MTMR2: variants seen among roughly 807,000 people sequenced by gnomAD.
MTMR2 encodes the protein phosphatidylinositol-3,5-bisphosphate 3-phosphatase MTMR2.
A neutral mutation model predicts 86.9 loss-of-function variants in MTMR2; 55 were observed. The observed-to-expected ratio is 0.63, with a 90% CI of 0.51 to 0.79. MTMR2 has a LOEUF of 0.79. Ranked by LOEUF, MTMR2 falls within the 30% of genes least tolerant of loss-of-function variation. MTMR2 has a pLI of 0.00. For missense variants in MTMR2, 659 were observed against 772.3 expected (o/e 0.85, Z 1.74); for synonymous variants, 241 against 266.8 (o/e 0.90, Z 0.94).
intron 1 of MTMR2, among the ~76,000 whole-genome samples, chr11:95,918,988 C>T (rs1391394335): frequency 6.6e-6 from 1 of 152,186 alleles, no homozygotes; most frequent in Non-Finnish European, 1.5e-5. Flanking sequence ...CAGGCATGCA[C>T]TACCATGCCC....
At chr11:95,904,497 AGGTC>A (rs1211207166) in intron 1 of MTMR2, among the ~76,000 whole-genome samples, 2 of 152,182 alleles carry the variant, frequency 1.3e-5, no homozygotes, top group Non-Finnish European at 2.9e-5. Context: ...ATGAGATAAG[AGGTC>A]GGCACAAGAC....
intron 13 of MTMR2, among the ~76,000 whole-genome samples, chr11:95,837,758 A>C (rs1356898975): frequency 1.3e-5 from 2 of 151,984 alleles, no homozygotes; most frequent in Non-Finnish European, 2.9e-5. Flanking sequence ...TGCTAATTAA[A>C]TTTTTCTGCA....
intron 1 of MTMR2, among the ~76,000 whole-genome samples, chr11:95,911,362 A>G (rs1055810762): frequency 2.0e-5 from 3 of 152,166 alleles, no homozygotes; most frequent in Non-Finnish European, 4.4e-5. Context: ...AATAATTTAC[A>G]TATGTCTGTT....
At position 95,923,933 on chromosome 11, in the gene MTMR2, C is replaced by G. The variant is rs756912172; in HGVS notation, c.22G>C (p.Glu8Gln). 4 of 1,561,292 alleles carry G rather than the reference C, an allele frequency of 2.6e-6. No homozygotes were observed. Among genetic ancestry groups the G allele is most frequent in the African/African-American group, 2.7e-5 (2 of 73,770 alleles). The part of the protein sequence containing the change: MEKSSSC[E>Q]SLGSQPAAAR... ...GCCGCCGGCTGGGAGCCAAGACTCTCGCAGCTCGAGCTCTTCTCCATCGCG... is the reference window on the plus strand; with the variant it reads ...GCCGCCGGCTGGGAGCCAAGACTCTGGCAGCTCGAGCTCTTCTCCATCGCG... The change falls in exon 1 of 15, where the codon GAG (glutamate) becomes CAG (glutamine). Residue 8 changes from glutamate (E) to glutamine (Q), a missense_variant. Physicochemically the swap from Glu to Gln is conservative, Grantham distance 29. Transcript: ENST00000346299.
intron 1 of MTMR2, among the ~76,000 whole-genome samples, chr11:95,898,871 G>C (rs998326344): frequency 1.3e-5 from 2 of 152,036 alleles, no homozygotes; most frequent in African/African-American, 4.8e-5. Flanking sequence ...CTAAGCAAAG[G>C]AACAGCATGA....
chr11:95,923,892 G>T lies in MTMR2; in HGVS notation c.63C>A (p.Ser21Arg). 6.4e-7 allele frequency: 1 copy of T among 1,556,420 alleles called. No homozygotes were observed. Among genetic ancestry groups the T allele is most frequent in the South Asian group, 1.2e-5 (1 of 84,544 alleles). ...GSQPAAARPP[S>R]VDSLSSASTS... Reference sequence around the variant, plus strand: ...CTGGTTACCTGGACAAGGAGTCCACGCTGGGCGGCCGAGCCGCCGCCGGCT... The same window carrying T: ...CTGGTTACCTGGACAAGGAGTCCACTCTGGGCGGCCGAGCCGCCGCCGGCT... Residue 21 changes from serine to arginine, a missense_variant, in exon 1 of 15, where the codon AGC becomes AGA. Transcript: ENST00000346299.
At chr11:95,889,079 C>G (rs1415639021) in intron 1 of MTMR2, among the ~76,000 whole-genome samples, 1 of 152,124 alleles carries the variant, frequency 6.6e-6, no homozygotes, top group South Asian at 2.1e-4. Context: ...TCTACTTCTT[C>G]CATTATAAGT....
At chr11:95,869,795 G>C (rs544491108) in intron 2 of MTMR2, among the ~76,000 whole-genome samples, 1 of 152,108 alleles carries the variant, frequency 6.6e-6, no homozygotes, top group Admixed American at 6.6e-5. Flanking sequence ...GATGCCTTCA[G>C]CAAGACAGTC....
chr11:95,879,299 A>G (rs1865238291), intron 2 of MTMR2, among the ~76,000 whole-genome samples: 1 of 152,118 alleles, frequency 6.6e-6, no homozygotes, highest in South Asian at 2.1e-4. Context: ...TAAGAGAAGG[A>G]ACAGCAAAGT....
chr11:95,902,169 TCA>T (rs1367794538), intron 1 of MTMR2, among the ~76,000 whole-genome samples: 3 of 152,310 alleles, frequency 2.0e-5, no homozygotes, highest in African/African-American at 7.2e-5. Context: ...TCTCTGAATC[TCA>T]GTTTCTTTCT....
intron 5 of MTMR2, among the ~76,000 whole-genome samples, chr11:95,860,778 C>A (rs554907757): frequency 6.6e-6 from 1 of 152,138 alleles, no homozygotes; most frequent in Non-Finnish European, 1.5e-5. Context: ...ATGTTTCATT[C>A]AAGTATCAAC....
intron 1 of MTMR2, among the ~76,000 whole-genome samples, chr11:95,913,597 A>G (rs973725229): frequency 6.6e-6 from 1 of 152,154 alleles, no homozygotes; most frequent in African/African-American, 2.4e-5. Context: ...GCCACAGTTG[A>G]AAAACACTAA....
chr11:95,853,038 A>ATG (rs778559524), intron 7 of MTMR2, among the ~76,000 whole-genome samples: 18 of 149,218 alleles, frequency 1.2e-4, no homozygotes, highest in Admixed American at 6.0e-4. Flanking sequence ...CTAAAAATTT[A>ATG]TATATAATAT....
chr11:95,836,249 C>T lies in MTMR2; in HGVS notation c.1669G>A (p.Gly557Arg), dbSNP rs753377983. The change falls in exon 14 of 15, where the codon GGG becomes AGG. Residue 557 changes from glycine (G) to arginine (R), a missense_variant. By Grantham distance (125) the Gly-to-Arg change is moderately radical. This residue lies in a region of MTMR2 where 193 missense variants were observed against 191.6 expected (regional missense o/e 1.01). Transcript: ENST00000346299. ...TAAAGGACATGATTGGAATAGCTCCCATAGAGAGGATTAGTGAAGTCTTCC... is the reference window on the plus strand; with the variant it reads ...TAAAGGACATGATTGGAATAGCTCCTATAGAGAGGATTAGTGAAGTCTTCC... ...QLEDFTNPLY[G>R]SYSNHVLYPV... 1.2e-6 allele frequency: 2 copies of T among 1,612,870 alleles called. No individual in the cohort carries two copies. Among genetic ancestry groups the T allele is most frequent in the South Asian group, 1.1e-5 (1 of 91,044 alleles).
chr11:95,907,061 A>G (rs1485389131), intron 1 of MTMR2, among the ~76,000 whole-genome samples: 2 of 152,096 alleles, frequency 1.3e-5, no homozygotes, highest in African/African-American at 4.8e-5. Flanking sequence ...CATACAAAAG[A>G]TCAAGGAAAG....
Position 95,833,912 on chromosome 11 carries a change from T to A in MTMR2, c.*1378A>T, listed in dbSNP as rs1293786876. 1 of 152,096 alleles carries A rather than the reference T, an allele frequency of 6.6e-6. No individual in the cohort carries two copies. The highest frequency in any genetic ancestry group is 2.4e-5 in the African/African-American group (1 of 41,438). The allele number at this position is 152,096 out of a possible 1,614,324, so 9.4% of individuals were successfully genotyped here. A position where few individuals can be genotyped will look rare whatever the true frequency, so the allele number is the denominator to read the frequency against. On this transcript the variant is annotated 3_prime_UTR_variant, in exon 15 of 15. Coordinates refer to ENST00000346299, the MANE Select transcript of MTMR2 (RefSeq NM_016156.6). ...CCAAGAGGGAGGCTAAGGTTCAGAC[T>A]CTCTGTATAGTGAATTAGTGAGTGG...
chr11:95,884,491 G>A (rs1163490374), intron 2 of MTMR2, among the ~76,000 whole-genome samples: 1 of 152,092 alleles, frequency 6.6e-6, no homozygotes, highest in Non-Finnish European at 1.5e-5. Flanking sequence ...CAAAATAAGG[G>A]TAACAGCCAA....
chr11:95,858,639 A>C lies in MTMR2; in HGVS notation c.469-7T>G. The C allele has an allele frequency of 1.3e-6, 2 of 1,525,828 alleles. No homozygotes were observed. Among genetic ancestry groups the C allele is most frequent in the South Asian group, 1.1e-5 (1 of 89,636 alleles). 94.5% of individuals were successfully genotyped at this position (1,525,828 alleles called of 1,614,324 possible). A position where few individuals can be genotyped will look rare whatever the true frequency, so the allele number is the denominator to read the frequency against. ...ATCGTAAATTCCTAATATCCTAGAA[A>C]AGATTTAGGAACCAAGTTAATAATT... On this transcript the variant is annotated splice_polypyrimidine_tract_variant and splice_region_variant and intron_variant, in intron 5 of 14. Coordinates refer to ENST00000346299, the MANE Select transcript of MTMR2 (RefSeq NM_016156.6).
intron 1 of MTMR2, among the ~76,000 whole-genome samples, chr11:95,889,983 T>C (rs559034671): frequency 6.6e-6 from 1 of 152,328 alleles, no homozygotes; most frequent in Non-Finnish European, 1.5e-5. Flanking sequence ...TGTGATAATA[T>C]TAAGAACCAT....
Sources: gnomAD v4.1 joint callset for allele counts (sites outside exome capture counted in the v4.1 genomes callset) on GRCh38, gnomAD v4.1.1 for gene constraint, gnomAD v4.1.1 regional missense constraint, MANE v1.5 for transcripts, NCBI Gene and HGNC (gene_info 2026-07-23, HGNC 2026-07-21) for gene names.